Variants in CLYBL observed in about 807,000 individuals in gnomAD.
The protein encoded by CLYBL is citramalyl-CoA lyase.
CLYBL carries 31 observed loss-of-function variants against 38.9 expected under a neutral mutation model. The ratio of observed to expected loss-of-function variants is 0.80; its 90% CI spans 0.60 to 1.08. CLYBL has a LOEUF of 1.08. Ranked by LOEUF, CLYBL falls within the 50% of genes least tolerant of loss-of-function variation. The probability of loss-of-function intolerance (pLI) is 0.00; values close to 1 mark genes in which losing one functional copy is unlikely to be tolerated. For synonymous variants in CLYBL, 171 were observed against 158.6 expected, an observed-to-expected ratio of 1.08 and a Z score of -0.59; for missense variants, 434 against 411.6, an observed-to-expected ratio of 1.05 and a Z score of -0.47.
At chr13:99,754,748 C>CTTTTTTTT (rs35982336) in intron 1 of CLYBL, among the ~76,000 whole-genome samples, 3 of 124,452 alleles carry the variant, frequency 2.4e-5, no homozygotes, top group Non-Finnish European at 3.3e-5. Context: ...CCATGCCCAG[C>CTTTTTTTT]TTTTTTTTTT....
At chr13:99,860,377 G>C (rs1454756611) in intron 3 of CLYBL, among the ~76,000 whole-genome samples, 1 of 152,060 alleles carries the variant, frequency 6.6e-6, no homozygotes, top group Non-Finnish European at 1.5e-5. Context: ...CTTTTGGACA[G>C]CTCTGTGTTG....
intron 1 of CLYBL, among the ~76,000 whole-genome samples, chr13:99,618,013 C>T (rs928263613): frequency 3.3e-5 from 5 of 152,198 alleles, no homozygotes; most frequent in Non-Finnish European, 5.9e-5. Context: ...GCCCCATTTC[C>T]ACCAGACATA....
chr13:99,612,157 AT>A (rs1264018499), intron 1 of CLYBL, among the ~76,000 whole-genome samples: 6 of 151,976 alleles, frequency 3.9e-5, no homozygotes, highest in African/African-American at 1.5e-4. Context: ...CATCCTTGAT[AT>A]TTGTAATTCT....
chr13:99,846,018 A>G (rs1194886191), intron 2 of CLYBL, among the ~76,000 whole-genome samples: 1 of 151,726 alleles, frequency 6.6e-6, no homozygotes, highest in South Asian at 2.1e-4. Flanking sequence ...TCTTTGGGAA[A>G]TAATTAGGAA....
chr13:99,716,227 G>C (rs557910502), intron 1 of CLYBL, among the ~76,000 whole-genome samples: 1 of 90,060 alleles, frequency 1.1e-5, no homozygotes, highest in South Asian at 3.9e-4. Context: ...GTCTCGCTAT[G>C]TTGCTCAGGC....
intron 6 of CLYBL, 53 bp downstream of exon 6, chr13:99,866,460 A>C: frequency 6.4e-7 from 1 of 1,558,816 alleles, no homozygotes; most frequent in Non-Finnish European, 8.7e-7. Context: ...ATTCCAGAAA[A>C]ATAGAAATTT....
At chr13:99,735,815 C>T (rs1334740877) in intron 1 of CLYBL, among the ~76,000 whole-genome samples, 1 of 152,010 alleles carries the variant, frequency 6.6e-6, no homozygotes, top group African/African-American at 2.4e-5. Flanking sequence ...TGTTTGTTTG[C>T]ACAAGACTTG....
intron 1 of CLYBL, among the ~76,000 whole-genome samples, chr13:99,747,020 A>T (rs1052223949): frequency 6.6e-6 from 1 of 152,170 alleles, no homozygotes; most frequent in Non-Finnish European, 1.5e-5. Flanking sequence ...TTGACCTCGG[A>T]GTCACGGCAG....
intron 7 of CLYBL, 43 bp downstream of exon 7, chr13:99,871,105 A>G: frequency 6.2e-7 from 1 of 1,606,110 alleles, no homozygotes; most frequent in Non-Finnish European, 8.5e-7. Context: ...AGTATTGAAA[A>G]TATTGTCGGG....
At chr13:99,888,628 CT>C (rs1393017731) in intron 7 of CLYBL, among the ~76,000 whole-genome samples, 3 of 152,110 alleles carry the variant, frequency 2.0e-5, no homozygotes, top group Non-Finnish European at 4.4e-5. Flanking sequence ...TGGCACGCAC[CT>C]GTAGTCCCAG....
chr13:99,651,357 G>A (rs147171010), intron 1 of CLYBL, among the ~76,000 whole-genome samples: 234 of 151,962 alleles, frequency 1.5e-3, no homozygotes, highest in African/African-American at 4.3e-3. Flanking sequence ...GTGGCCTGAC[G>A]TCAGGAGTTC....
chr13:99,685,387 T>G (rs1446819856), intron 1 of CLYBL, among the ~76,000 whole-genome samples: 2 of 152,198 alleles, frequency 1.3e-5, no homozygotes, highest in African/African-American at 4.8e-5. Context: ...AAGCCAATGT[T>G]TCAACATATT....
intron 2 of CLYBL, among the ~76,000 whole-genome samples, chr13:99,793,351 A>T (rs1287454522): frequency 6.6e-6 from 1 of 152,120 alleles, no homozygotes; most frequent in African/African-American, 2.4e-5. Flanking sequence ...TAAAAGACTT[A>T]AGAGCTCAGG....
intron 1 of CLYBL, among the ~76,000 whole-genome samples, chr13:99,615,215 C>G (rs1408717231): frequency 6.6e-6 from 1 of 152,184 alleles, no homozygotes; most frequent in East Asian, 1.9e-4. Flanking sequence ...CAGCCACGGT[C>G]TGACTGATAT....
intron 2 of CLYBL, among the ~76,000 whole-genome samples, chr13:99,775,929 T>G (rs893514904): frequency 3.3e-5 from 5 of 151,818 alleles, no homozygotes; most frequent in African/African-American, 1.2e-4. Flanking sequence ...TTTGGGAGGC[T>G]GAGGTGGGCA....
chr13:99,829,383 A>C (rs1425250083), intron 2 of CLYBL, among the ~76,000 whole-genome samples: 1 of 152,236 alleles, frequency 6.6e-6, no homozygotes, highest in East Asian at 1.9e-4. Context: ...AGGGAAGTCC[A>C]TGCCAAAAAG....
chr13:99,665,101 T>C (rs756716566), intron 1 of CLYBL, among the ~76,000 whole-genome samples: 3 of 151,278 alleles, frequency 2.0e-5, no homozygotes. Flanking sequence ...ATATTTGTTA[T>C]ATATATTTTT....
chr13:99,692,203 A>G (rs2047913248), intron 1 of CLYBL, among the ~76,000 whole-genome samples: 1 of 151,678 alleles, frequency 6.6e-6, no homozygotes, highest in Non-Finnish European at 1.5e-5. Flanking sequence ...ATTACTCCCC[A>G]CACTGACCTC....
chr13:99,623,598 C>T (rs2046827633), intron 1 of CLYBL, among the ~76,000 whole-genome samples: 1 of 152,066 alleles, frequency 6.6e-6, no homozygotes, highest in South Asian at 2.1e-4. Flanking sequence ...TTTAACACTT[C>T]CCTCCTTAGG....
Sources: gnomAD v4.1 joint callset for allele counts (sites outside exome capture counted in the v4.1 genomes callset) on GRCh38, gnomAD v4.1.1 for gene constraint, MANE v1.5 for transcripts, NCBI Gene and HGNC (gene_info 2026-07-23, HGNC 2026-07-21) for gene names.